The following SIPA1 variants were observed in gnomAD, a reference collection of about 807,000 sequenced individuals.
SIPA1 encodes the protein signal-induced proliferation-associated 1, also known as signal-induced proliferation-associated protein 1.
A neutral mutation model predicts 88.1 loss-of-function variants in SIPA1; 51 were observed. The ratio of observed to expected loss-of-function variants is 0.58; its 90% confidence interval spans 0.46 to 0.73. The LOEUF (loss-of-function observed/expected upper bound fraction) is 0.73, where lower values mean the gene tolerates loss of function less well. SIPA1 is among the 30% of genes least tolerant of loss of function. The probability of loss-of-function intolerance (pLI) is 0.00; values close to 1 mark genes in which losing one functional copy is unlikely to be tolerated. For missense variants in SIPA1, 1,348 were observed against 1,467.6 expected (o/e 0.92, Z 1.33); for synonymous variants, 681 against 664.8 (o/e 1.02, Z -0.37).
chr11:65,642,349 G>A lies in SIPA1; in HGVS notation c.779G>A (p.Ser260Asn), dbSNP rs1856022526. Residue 260 changes from serine to asparagine, a missense_variant, in exon 3 of 16, where the codon AGC becomes AAC. Transcript: ENST00000534313. This position sits in a 1 kb window ranked among gnomAD's most constrained non-coding sequence, Gnocchi z 6.5. Reference sequence around the variant, plus strand: ...GGCAGCGGAGGGGGCACCCTGCACAGCTACCGCGTCATCGTGCGGACCACG... The same window carrying A: ...GGCAGCGGAGGGGGCACCCTGCACAACTACCGCGTCATCGTGCGGACCACG... ...KEGSGGGTLH[S>N]YRVIVRTTQL... The A allele has an allele frequency of 6.4e-7, 1 of 1,567,088 alleles. No homozygotes were observed. The highest frequency in any genetic ancestry group is 2.3e-5 in the East Asian group (1 of 42,876).
In SIPA1 at chr11:65,642,488, C is replaced by T. The variant is rs1856025732; in HGVS notation, c.833C>T (p.Ser278Leu). The change falls in exon 4 of 16, where the codon TCG becomes TTG. Residue 278 changes from serine to leucine, a missense_variant. Ser to Leu is a moderately radical substitution (Grantham distance 145). Coordinates refer to ENST00000534313, the MANE Select transcript of SIPA1 (RefSeq NM_006747.4). This position sits in a 1 kb window ranked among gnomAD's most constrained non-coding sequence, Gnocchi z 6.5. The stretch of plus-strand genomic sequence containing the variant: ...CTCCGGACACTCCGTGGCACCATCT[C>T]GGAGGACGCGCTGCCGCCGGGGCCC... ...TQLRTLRGTISEDALPPGPPR... is the reference protein window; with the variant it reads ...TQLRTLRGTILEDALPPGPPR... The T allele has an allele frequency of 2.5e-6, 4 of 1,611,556 alleles. No homozygotes were observed. Among genetic ancestry groups the T allele is most frequent in the Admixed American group, 1.7e-5 (1 of 59,940 alleles).
At chr11:65,644,848 A>G in intron 4 of SIPA1, 107 bp from the exon 5 acceptor site, 1 of 1,163,434 alleles carries the variant, frequency 8.6e-7, no homozygotes, top group Admixed American at 2.2e-5. Flanking sequence ...AGTGGCTCAG[A>G]GAGGGCTGGT....
chr11:65,644,507 A>G (rs1856069202), intron 4 of SIPA1, among the ~76,000 whole-genome samples: 1 of 151,578 alleles, frequency 6.6e-6, no homozygotes, highest in East Asian at 2.0e-4. Context: ...TGTTTGGAGG[A>G]GTTCAGAGCA....
intron 8 of SIPA1, 69 bp from the exon 9 acceptor site, chr11:65,647,315 C>T: frequency 7.3e-7 from 1 of 1,369,878 alleles, no homozygotes; most frequent in Non-Finnish European, 9.4e-7. Flanking sequence ...GGGACGCAGT[C>T]CAGGGGGCGG....
At position 65,650,691 on chromosome 11, in the gene SIPA1, C is replaced by A; in HGVS notation, c.3105C>A (p.Gly1035=). The change falls in exon 16 of 16, where the codon GGC becomes GGA. Residue 1035 remains glycine (G), a synonymous_variant. Coordinates refer to ENST00000534313, the MANE Select transcript of SIPA1 (RefSeq NM_006747.4). ...TCCTCCTGGCCTCCAAGCAGCTGGGCTCACCCACCGCCGACCTGGCCTGAG... is the reference window on the plus strand; with the variant it reads ...TCCTCCTGGCCTCCAAGCAGCTGGGATCACCCACCGCCGACCTGGCCTGAG... ...TRLLLASKQL[G]SPTADLA is the part of the protein sequence containing the mutation. 6.3e-7 allele frequency: 1 copy of A among 1,580,856 alleles called. No homozygotes were observed. The highest frequency in any genetic ancestry group is 8.6e-7 in the Non-Finnish European group (1 of 1,163,428).
rs554721834 is a variant in SIPA1 at position 65,646,116 on chromosome 11, G to A, written c.1264-105G>A. 22 of 1,409,630 alleles carry A rather than the reference G, an allele frequency of 1.6e-5. No homozygotes were observed. The highest frequency in any genetic ancestry group is 1.1e-4 in the South Asian group (9 of 80,180). The allele number at this position is 1,409,630 out of a possible 1,614,324, so 87.3% of individuals were successfully genotyped here. On this transcript the variant is annotated intron_variant, in intron 6 of 15. Transcript: ENST00000534313. This position sits in a 1 kb window ranked among gnomAD's most constrained non-coding sequence, Gnocchi z 7.5. ...ACAGAAACACCCTAGGTCTTCACCA[G>A]GGGCAGTGGGGGAGCCATTGGTGCC...
In SIPA1 at chr11:65,642,164, G is replaced by A; in HGVS notation, c.680-86G>A. On this transcript the variant is annotated intron_variant, in intron 2 of 15. Transcript: ENST00000534313. This position sits in a 1 kb window ranked among gnomAD's most constrained non-coding sequence, Gnocchi z 6.5. ...CATTTGGTGGTGAGATGAAGCCTAG[G>A]GCGGGGCTTAGTGATGCGCGTGGTC... 6.6e-7 allele frequency: 1 copy of A among 1,509,222 alleles called. No homozygotes were observed. The highest frequency in any genetic ancestry group is 8.9e-7 in the Non-Finnish European group (1 of 1,125,962). The allele number at this position is 1,509,222 out of a possible 1,614,324, so 93.5% of individuals were successfully genotyped here. A position where few individuals can be genotyped will look rare whatever the true frequency, so the allele number is the denominator to read the frequency against.
In SIPA1 at chr11:65,645,587, C is replaced by G. The variant is rs141095193; in HGVS notation, c.1160-267C>G. ...CTGCCCTCCCTCTGAGACCACTTCT[C>G]ATTTCTGTCTTCATTCTATTTCAAC... On this transcript the variant is annotated intron_variant, in intron 5 of 15. Transcript: ENST00000534313. Among the ~76,000 whole-genome samples the G allele has an allele frequency of 1.1e-3, 169 of 152,260 alleles. 1 individual carries two copies. Among genetic ancestry groups the G allele is most frequent in the African/African-American group, 4.0e-3 (168 of 41,534 alleles).
rs1258497672 is a variant in SIPA1, at chr11:65,649,256, C to A, written c.2307-6C>A. The A allele has an allele frequency of 4.6e-6, 7 of 1,511,572 alleles. No homozygotes were observed. Among genetic ancestry groups the A allele is most frequent in the Non-Finnish European group, 4.5e-6 (5 of 1,122,170 alleles). 93.6% of individuals were successfully genotyped at this position (1,511,572 alleles called of 1,614,324 possible). On this transcript the variant is annotated splice_region_variant and splice_polypyrimidine_tract_variant and intron_variant, in intron 9 of 15. Coordinates refer to ENST00000534313, the MANE Select transcript of SIPA1 (RefSeq NM_006747.4). The stretch of plus-strand genomic sequence containing the variant: ...AAGTCCTGCCTGACCCTGTCCCACC[C>A]CACAGGAGTTTTTCGGAGCTGTACA...
In SIPA1 at chr11:65,650,744, G is replaced by A; in HGVS notation, c.*29G>A. 6.5e-7 allele frequency: 1 copy of A among 1,530,408 alleles called. No individual in the cohort carries two copies. Among genetic ancestry groups the A allele is most frequent in the Non-Finnish European group, 8.8e-7 (1 of 1,136,584 alleles). 94.8% of individuals were successfully genotyped at this position (1,530,408 alleles called of 1,614,324 possible). A position where few individuals can be genotyped will look rare whatever the true frequency, so the allele number is the denominator to read the frequency against. On this transcript the variant is annotated 3_prime_UTR_variant, in exon 16 of 16. Transcript: ENST00000534313. ...GTCTGGAACCACCTGGGCCCCTGAG[G>A]GCACTGTGGTCACACTGGGCCCTCC...
In SIPA1 at chr11:65,650,581, A is replaced by C. The variant is rs756817107; in HGVS notation, c.2995A>C (p.Arg999=). The C allele has an allele frequency of 2.5e-6, 4 of 1,600,704 alleles. No homozygotes were observed. The highest frequency in any genetic ancestry group is 3.4e-6 in the Non-Finnish European group (4 of 1,173,402). Reference sequence around the variant, plus strand: ...CCCGGCACCCCAGGAGAAGGCGGACAGGGCGGCCCTGGAGGAGGAGGTGCG... The same window carrying C: ...CCCGGCACCCCAGGAGAAGGCGGACCGGGCGGCCCTGGAGGAGGAGGTGCG... ...QEDLQKEKAD[R]AALEEEVRSL... Residue 999 remains arginine (R), a synonymous_variant, in exon 16 of 16, where the codon AGG becomes CGG. Transcript: ENST00000534313.
rs561313915 is a variant in SIPA1, at chr11:65,642,194, G to A, written c.680-56G>A. On this transcript the variant is annotated intron_variant, in intron 2 of 15. Coordinates refer to ENST00000534313, the MANE Select transcript of SIPA1 (RefSeq NM_006747.4). This position sits in a 1 kb window ranked among gnomAD's most constrained non-coding sequence, Gnocchi z 6.5. The stretch of plus-strand genomic sequence containing the variant: ...GGCTTAGTGATGCGCGTGGTCGAGC[G>A]GGGGCGGGGCTGCCAGAGGGCGGGA... The A allele has an allele frequency of 6.5e-7, 1 of 1,532,542 alleles. No homozygotes were observed. Among genetic ancestry groups the A allele is most frequent in the South Asian group, 1.2e-5 (1 of 81,994 alleles). 94.9% of individuals were successfully genotyped at this position (1,532,542 alleles called of 1,614,324 possible).
At position 65,649,446 on chromosome 11, in the gene SIPA1, T is replaced by A; in HGVS notation, c.2491T>A (p.Phe831Ile). Residue 831 changes from phenylalanine to isoleucine, a missense_variant, in exon 10 of 16, where the codon TTC becomes ATC. By Grantham distance (21) the Phe-to-Ile change is conservative. This residue lies in a region of SIPA1 where 615 missense variants were observed against 559.8 expected (regional missense o/e 1.10). Coordinates refer to ENST00000534313, the MANE Select transcript of SIPA1 (RefSeq NM_006747.4). ...GGATCTGGCCGAGGAGAGGACTGAGTTCCTGCACAGCCAGAACTCGCTGTC... is the reference window on the plus strand; with the variant it reads ...GGATCTGGCCGAGGAGAGGACTGAGATCCTGCACAGCCAGAACTCGCTGTC... Reference protein sequence around the residue: ...PGDLAEERTEFLHSQNSLSPR... With the variant: ...PGDLAEERTEILHSQNSLSPR... The A allele has an allele frequency of 6.2e-7, 1 of 1,609,080 alleles. No individual in the cohort carries two copies. Among genetic ancestry groups the A allele is most frequent in the Non-Finnish European group, 8.5e-7 (1 of 1,177,718 alleles).
At position 65,646,927 on chromosome 11, in the gene SIPA1, T is replaced by C. The variant is rs773175755; in HGVS notation, c.1893T>C (p.Asn631=). 7.2e-6 allele frequency: 11 copies of C among 1,535,586 alleles called. No homozygotes were observed. The South Asian group carries it at 8.3e-5, about 12-fold the overall frequency. The change falls in exon 8 of 16, where the codon AAT becomes AAC. Residue 631 remains asparagine (N), a synonymous_variant. Transcript: ENST00000534313. This position sits in a 1 kb window ranked among gnomAD's most constrained non-coding sequence, Gnocchi z 7.5. ...VAPRDGRVVF[N]CACRDVLAWT... is the part of the protein sequence containing the mutation. Reference sequence around the variant, plus strand: ...CGCGCGACGGCCGCGTAGTGTTCAATTGCGCCTGTCGCGACGTGCTGGCCT... The same window carrying C: ...CGCGCGACGGCCGCGTAGTGTTCAACTGCGCCTGTCGCGACGTGCTGGCCT...
Position 65,647,592 on chromosome 11 carries a change from T to C in SIPA1, c.2240T>C (p.Leu747Pro), listed in dbSNP as rs1856157164. 1 of 1,389,836 alleles carries C rather than the reference T, an allele frequency of 7.2e-7. No individual in the cohort carries two copies. Among genetic ancestry groups the C allele is most frequent in the Non-Finnish European group, 9.3e-7 (1 of 1,075,098 alleles). The allele number at this position is 1,389,836 out of a possible 1,614,324, so 86.1% of individuals were successfully genotyped here. Residue 747 changes from leucine (L) to proline (P), a missense_variant, in exon 9 of 16, where the codon CTC becomes CCC. Physicochemically the swap from Leu to Pro is moderately conservative, Grantham distance 98. Transcript: ENST00000534313. ...PSLRPEAAAQ[L>P]LRSAPKVCVT... ...CTCCGGCCCGAGGCCGCTGCCCAGC[T>C]CCTGCGCTCGGCGCCCAAGGTCTGC...
At position 65,650,385 on chromosome 11, in the gene SIPA1, A is replaced by AC. The variant is rs1203626636; in HGVS notation, c.2904-11dup. On this transcript the variant is annotated splice_polypyrimidine_tract_variant and intron_variant, in intron 14 of 15. Coordinates refer to ENST00000534313, the MANE Select transcript of SIPA1 (RefSeq NM_006747.4). ...CCTGCCTTGGTCCTGCTGAGTCTTG[A>AC]CCCCCATGTCTTCAGGCCAGAGCCT... is the stretch of plus-strand genomic sequence containing the variant. 6.2e-7 allele frequency: 1 copy of AC among 1,612,784 alleles called. No homozygotes were observed. Among genetic ancestry groups the AC allele is most frequent in the Non-Finnish European group, 8.5e-7 (1 of 1,179,380 alleles).
chr11:65,645,351 G>C (rs1856089756), intron 5 of SIPA1, among the ~76,000 whole-genome samples: 2 of 152,138 alleles, frequency 1.3e-5, no homozygotes, highest in Non-Finnish European at 1.5e-5. Context: ...CTGAGCTGGG[G>C]CTAAAGTGGT....
Position 65,641,409 on chromosome 11 carries a change from C to G in SIPA1, c.488C>G (p.Pro163Arg), listed in dbSNP as rs777507471. ...AASSDLLHGA[P>R]GFVCELGGEG... ...AGCTCGGACCTGCTGCATGGGGCAC[C>G]TGGCTTTGTGTGTGAGCTCGGGGGT... The change falls in exon 2 of 16, where the codon CCT becomes CGT. Residue 163 changes from proline (P) to arginine (R), a missense_variant. Physicochemically the swap from Pro to Arg is moderately radical, Grantham distance 103 (BLOSUM62 -2). Coordinates refer to ENST00000534313, the MANE Select transcript of SIPA1 (RefSeq NM_006747.4). The G allele has an allele frequency of 1.2e-6, 2 of 1,613,120 alleles. No homozygotes were observed. The highest frequency in any genetic ancestry group is 3.3e-5 in the Admixed American group (2 of 60,030).
At chr11:65,644,675 G>A (rs1421594708) in intron 4 of SIPA1, among the ~76,000 whole-genome samples, 2 of 151,912 alleles carry the variant, frequency 1.3e-5, no homozygotes, top group Non-Finnish European at 2.9e-5. Context: ...CCAGCCTTGA[G>A]ATAAGGAGGA....
Sources: gnomAD v4.1 joint callset for allele counts (sites outside exome capture counted in the v4.1 genomes callset) on GRCh38, gnomAD v4.1.1 for gene constraint, gnomAD v4.1.1 regional missense constraint, Gnocchi (gnomAD v3.1) non-coding constraint, MANE v1.5 for transcripts, NCBI Gene and HGNC (gene_info 2026-07-23, HGNC 2026-07-21) for gene names.